CBLB: variants seen among roughly 807,000 people sequenced by gnomAD.
CBLB encodes Cbl proto-oncogene B, also known as E3 ubiquitin-protein ligase CBL-B.
In CBLB, 31 loss-of-function variants were observed where a neutral mutation model predicts 104.9. The ratio of observed to expected loss-of-function variants is 0.30; its 90% CI spans 0.22 to 0.40. CBLB has a LOEUF of 0.40. Ranked by LOEUF, CBLB falls within the 10% of genes least tolerant of loss-of-function variation. The pLI, the probability that CBLB is intolerant of heterozygous loss-of-function variation, is 1.00. For synonymous variants in CBLB, 440 were observed against 422.6 expected, an observed-to-expected ratio of 1.04 and a Z score of -0.51; for missense variants, 1,062 against 1,214.6, an observed-to-expected ratio of 0.87 and a Z score of 1.87.
intron 3 of CBLB, among the ~76,000 whole-genome samples, chr3:105,822,512 A>C (rs1209085594): frequency 1.3e-5 from 2 of 152,162 alleles, no homozygotes; most frequent in African/African-American, 4.8e-5. Flanking sequence ...ACTCAGTTAC[A>C]TTTGCTGGGA....
intron 3 of CBLB, among the ~76,000 whole-genome samples, chr3:105,796,966 G>A (rs144085459): frequency 1.2e-4 from 18 of 152,224 alleles, no homozygotes; most frequent in African/African-American, 4.1e-4. Context: ...CTGAGAAAAG[G>A]GAACACTTAT....
intron 17 of CBLB, chr3:105,670,571 GACT>G: frequency 1.9e-6 from 1 of 523,512 alleles, no homozygotes; most frequent in Non-Finnish European, 3.4e-6. Context: ...AGATAATAAA[GACT>G]ACTTGTTTTA....
chr3:105,794,648 T>C (rs948652476), intron 3 of CBLB, among the ~76,000 whole-genome samples: 1 of 152,184 alleles, frequency 6.6e-6, no homozygotes, highest in Non-Finnish European at 1.5e-5. Flanking sequence ...ATGCGTACCT[T>C]ATCGTATTAT....
intron 3 of CBLB, among the ~76,000 whole-genome samples, chr3:105,844,000 T>C (rs2089907075): frequency 6.6e-6 from 1 of 152,172 alleles, no homozygotes; most frequent in African/African-American, 2.4e-5. Context: ...TCTTTGCAGC[T>C]GTAATGAAGT....
chr3:105,697,506 A>C (rs1468202301), intron 12 of CBLB, among the ~76,000 whole-genome samples: 1 of 152,016 alleles, frequency 6.6e-6, no homozygotes, highest in African/African-American at 2.4e-5. Context: ...AAACCCCTAC[A>C]CATGCTACCT....
intron 3 of CBLB, among the ~76,000 whole-genome samples, chr3:105,816,631 G>A (rs2085097721): frequency 6.6e-6 from 1 of 152,114 alleles, no homozygotes; most frequent in African/African-American, 2.4e-5. Flanking sequence ...AGTAAATAGT[G>A]CATAAAGTAA....
intron 4 of CBLB, among the ~76,000 whole-genome samples, chr3:105,775,683 T>C (rs1442059846): frequency 1.3e-5 from 2 of 152,224 alleles, no homozygotes; most frequent in East Asian, 3.8e-4. Context: ...GAGACATTTA[T>C]GACAAAAGTT....
At chr3:105,828,859 T>C (rs2086986495) in intron 3 of CBLB, among the ~76,000 whole-genome samples, 1 of 152,164 alleles carries the variant, frequency 6.6e-6, no homozygotes, top group Non-Finnish European at 1.5e-5. Context: ...AAAGGAAGTT[T>C]TATACAACGT....
chr3:105,849,868 T>C (rs1290023829), intron 3 of CBLB, among the ~76,000 whole-genome samples: 1 of 152,168 alleles, frequency 6.6e-6, no homozygotes, highest in Non-Finnish European at 1.5e-5. Flanking sequence ...AACTTAGTTT[T>C]ATTAGGTCAA....
chr3:105,705,614 A>C (rs573251357), intron 10 of CBLB, among the ~76,000 whole-genome samples: 209 of 152,310 alleles, frequency 1.4e-3, no homozygotes, highest in Non-Finnish European at 2.5e-3. Context: ...CCACGGAAGT[A>C]AAGTGTCATT....
Position 105,720,065 on chromosome 3 carries a change from C to T in CBLB, c.1389G>A (p.Arg463=). Residue 463 remains arginine, a synonymous_variant, in exon 10 of 19, where the codon CGG becomes CGA. Coordinates refer to ENST00000394030, the MANE Select transcript of CBLB (RefSeq NM_170662.5). ...DDREESLMMN[R]LANVRKCTDR... ...GTTTTACCTTTCGGACGTTTGCCAA[C>T]CGATTCATCATCAAGGACTCCTCAC... 6.2e-7 allele frequency: 1 copy of T among 1,613,840 alleles called. No individual in the cohort carries two copies. Among genetic ancestry groups the T allele is most frequent in the Non-Finnish European group, 8.5e-7 (1 of 1,179,766 alleles).
chr3:105,850,457 C>T (rs2090800760), intron 3 of CBLB, among the ~76,000 whole-genome samples: 2 of 152,078 alleles, frequency 1.3e-5, no homozygotes, highest in African/African-American at 4.8e-5. Context: ...TTAAGAGTCT[C>T]ACACTAAAAT....
At chr3:105,737,525 C>A (rs1177032853) in intron 7 of CBLB, among the ~76,000 whole-genome samples, 3 of 152,052 alleles carry the variant, frequency 2.0e-5, no homozygotes, top group Non-Finnish European at 1.5e-5. Context: ...TAATATATGT[C>A]TCTTATATAA....
intron 13 of CBLB, among the ~76,000 whole-genome samples, chr3:105,688,347 C>T (rs999503234): frequency 6.6e-6 from 1 of 151,988 alleles, no homozygotes; most frequent in South Asian, 2.1e-4. Context: ...CACCACCCCC[C>T]CCACAACCTG....
intron 10 of CBLB, among the ~76,000 whole-genome samples, chr3:105,708,509 T>C (rs1280154973): frequency 6.6e-6 from 1 of 152,140 alleles, no homozygotes; most frequent in Non-Finnish European, 1.5e-5. Context: ...AGTATGACTA[T>C]CTAAGCTCTA....
intron 10 of CBLB, among the ~76,000 whole-genome samples, chr3:105,711,907 G>A (rs191618399): frequency 3.3e-5 from 5 of 152,146 alleles, no homozygotes; most frequent in African/African-American, 7.2e-5. Flanking sequence ...ATAAAGAAGC[G>A]GAGGAAAACA....
At chr3:105,740,342 TAA>T (rs1162754353) in intron 7 of CBLB, 150 bp downstream of exon 7, 5 of 751,186 alleles carry the variant, frequency 6.7e-6, no homozygotes, top group Non-Finnish European at 1.1e-5. Context: ...AATGATTATA[TAA>T]AAAGATGAAC....
chr3:105,773,519 A>G (rs1468251120), intron 4 of CBLB, among the ~76,000 whole-genome samples: 1 of 152,220 alleles, frequency 6.6e-6, no homozygotes, highest in Non-Finnish European at 1.5e-5. Flanking sequence ...AATGTCAAAA[A>G]GTACTTAAAT....
chr3:105,800,351 C>T (rs2120102), intron 3 of CBLB, among the ~76,000 whole-genome samples: 148,595 of 152,270 alleles, frequency 0.98, 72,618 homozygotes, highest in East Asian at 1. Context: ...GAGGATGCTT[C>T]CTAGTTCCTT....
Sources: gnomAD v4.1 joint callset for allele counts (sites outside exome capture counted in the v4.1 genomes callset) on GRCh38, gnomAD v4.1.1 for gene constraint, MANE v1.5 for transcripts, NCBI Gene and HGNC (gene_info 2026-07-23, HGNC 2026-07-21) for gene names.